The following GGA2 variants were observed in gnomAD, a reference collection of about 807,000 sequenced individuals.
GGA2 encodes golgi associated, gamma adaptin ear containing, ARF binding protein 2.
GGA2 carries 48 observed loss-of-function variants against 79.5 expected under a neutral mutation model. The ratio of observed to expected loss-of-function variants is 0.60; its 90% CI spans 0.48 to 0.77. GGA2 has a LOEUF of 0.77. GGA2 is among the 30% of genes least tolerant of loss of function. GGA2 has a pLI of 0.00. For missense variants in GGA2, 770 were observed against 774.0 expected (o/e 0.99, Z 0.06); for synonymous variants, 317 against 302.0 (o/e 1.05, Z -0.51).
chr16:23,511,807 TAATC>T (rs540912917), upstream of GGA2, among the ~76,000 whole-genome samples: 24 of 152,340 alleles, frequency 1.6e-4, no homozygotes, highest in African/African-American at 5.3e-4. Context: ...GCAGATGTTA[TAATC>T]AATCCAAAAG....
upstream of GGA2, among the ~76,000 whole-genome samples, chr16:23,512,896 C>T (rs56308741): frequency 7.4e-3 from 1,120 of 151,724 alleles, 18 homozygotes; most frequent in African/African-American, 0.026. Flanking sequence ...GTAGAGACAG[C>T]GTTTCACCAG....
chr16:23,524,201 C>G (rs1029191438), upstream of GGA2: 3 of 665,174 alleles, frequency 4.5e-6, no homozygotes, highest in African/African-American at 5.4e-5. Flanking sequence ...TTGACAAAAA[C>G]GTGCCTGTGG....
chr16:23,468,578 A>G (rs1596973393), intron 16 of GGA2, among the ~76,000 whole-genome samples: 1 of 151,894 alleles, frequency 6.6e-6, no homozygotes. Context: ...GGTTCAAGCA[A>G]TTCTCCTGCC....
chr16:23,510,216 G>A (rs993301195), intron 1 of GGA2, 105 bp downstream of exon 1: 8 of 638,202 alleles, frequency 1.3e-5, no homozygotes, highest in African/African-American at 1.2e-4. Flanking sequence ...CCCGGCCGCC[G>A]GCCTCCCCTG....
rs1276978240 is a variant in GGA2, at chr16:23,464,515, C to T, written c.*3075G>A. 1 of 151,650 alleles carries T rather than the reference C, an allele frequency of 6.6e-6. No homozygotes were observed. Among genetic ancestry groups the T allele is most frequent in the African/African-American group, 2.4e-5 (1 of 41,246 alleles). The allele number at this position is 151,650 out of a possible 1,614,324, so 9.4% of individuals were successfully genotyped here. A position where few individuals can be genotyped will look rare whatever the true frequency, so the allele number is the denominator to read the frequency against. ...TAGAGAACTCTGGTAGTGGCAAGAA[C>T]CAGAGCTGTTACTCAGAATTGGGAC... On this transcript the variant is annotated 3_prime_UTR_variant, in exon 17 of 17. Transcript: ENST00000309859.
At chr16:23,481,102 T>C (rs1330730410) in intron 9 of GGA2, among the ~76,000 whole-genome samples, 1 of 152,230 alleles carries the variant, frequency 6.6e-6, no homozygotes, top group African/African-American at 2.4e-5. Context: ...CTGCTGGCTC[T>C]GTGCAGTGGC....
In GGA2 at chr16:23,466,603, T is replaced by C. The variant is rs1964440156; in HGVS notation, c.*987A>G. The C allele has an allele frequency of 6.6e-6, 1 of 152,232 alleles. No homozygotes were observed. Among genetic ancestry groups the C allele is most frequent in the Admixed American group, 6.5e-5 (1 of 15,282 alleles). 9.4% of individuals were successfully genotyped at this position (152,232 alleles called of 1,614,324 possible). A position where few individuals can be genotyped will look rare whatever the true frequency, so the allele number is the denominator to read the frequency against. The stretch of plus-strand genomic sequence containing the variant: ...CACTCCACAAAGTACACTTGCTACA[T>C]GGTATTTATTCAATGACTGTATATT... On this transcript the variant is annotated 3_prime_UTR_variant, in exon 17 of 17. Transcript: ENST00000309859.
rs200191754 is a variant in GGA2, at chr16:23,493,321, G to A, written c.351+39C>T. ...AGCCAGGAGTTTGACAGTGGGCGTA[G>A]GTGCGACACAGTCAGCAGAGCCAAG... On this transcript the variant is annotated intron_variant, in intron 4 of 16. Transcript: ENST00000309859. 256 of 1,180,780 alleles carry A rather than the reference G, an allele frequency of 2.2e-4. 1 individual carries two copies. In the East Asian group the frequency reaches 5.9e-3, roughly 27 times the overall value. 73.1% of individuals were successfully genotyped at this position (1,180,780 alleles called of 1,614,324 possible).
At chr16:23,523,623 GA>G (rs1171290141), upstream of GGA2, 5 of 152,258 alleles carry the variant, frequency 3.3e-5, no homozygotes, top group Non-Finnish European at 7.3e-5. Context: ...TGGGGCCTGA[GA>G]ACTGGGACCC....
chr16:23,510,039 T>G (rs780575088), intron 1 of GGA2, among the ~76,000 whole-genome samples: 1 of 133,070 alleles, frequency 7.5e-6, no homozygotes, highest in South Asian at 2.5e-4. Context: ...GCAGGTCACG[T>G]AGCCATTGGG....
At chr16:23,515,261 T>C (rs1225060120), upstream of GGA2, among the ~76,000 whole-genome samples, 1 of 151,624 alleles carries the variant, frequency 6.6e-6, no homozygotes, top group African/African-American at 2.4e-5. Context: ...GGGTTCAAGA[T>C]CAGCCTGGGC....
chr16:23,501,018 G>C (rs866144464), intron 1 of GGA2: 5 of 339,720 alleles, frequency 1.5e-5, no homozygotes, highest in Middle Eastern at 9.7e-4. Context: ...ACACACATTA[G>C]AAAGTGTGAC....
chr16:23,498,828 A>G (rs1964886862), intron 1 of GGA2, among the ~76,000 whole-genome samples: 1 of 152,222 alleles, frequency 6.6e-6, no homozygotes, highest in Non-Finnish European at 1.5e-5. Flanking sequence ...CAACATAGAA[A>G]CTCATCAAAT....
At chr16:23,478,216 A>G (rs1250059265) in intron 13 of GGA2, 152 bp downstream of exon 13, 6,916 of 567,952 alleles carry the variant, frequency 0.012, 204 homozygotes, top group African/African-American at 0.066. Flanking sequence ...AAAAAAAAAG[A>G]AAAAAAGACA....
At chr16:23,492,467 A>AAAAAACAAAAC (rs1964801334) in intron 4 of GGA2, among the ~76,000 whole-genome samples, 1 of 152,148 alleles carries the variant, frequency 6.6e-6, no homozygotes, top group Admixed American at 6.5e-5. Flanking sequence ...ATGATGTGTA[A>AAAAAACAAAAC]AAAAACAAAA....
chr16:23,474,147 G>A (rs1964548235), intron 14 of GGA2, among the ~76,000 whole-genome samples: 1 of 152,206 alleles, frequency 6.6e-6, no homozygotes, highest in African/African-American at 2.4e-5. Flanking sequence ...CCCTAGAGAA[G>A]GAGGATCACT....
chr16:23,471,851 G>A (rs1409464772), intron 14 of GGA2, among the ~76,000 whole-genome samples: 1 of 152,134 alleles, frequency 6.6e-6, no homozygotes, highest in Non-Finnish European at 1.5e-5. Context: ...TGAGGCTGCA[G>A]TGAGCTATGA....
intron 1 of GGA2, among the ~76,000 whole-genome samples, chr16:23,498,815 G>A (rs925894186): frequency 4.6e-5 from 7 of 152,108 alleles, no homozygotes; most frequent in Admixed American, 1.3e-4. Flanking sequence ...TTACCCATAC[G>A]TACAACATAG....
intron 9 of GGA2, among the ~76,000 whole-genome samples, chr16:23,481,577 A>G (rs1277221867): frequency 6.6e-6 from 1 of 152,124 alleles, no homozygotes; most frequent in East Asian, 1.9e-4. Flanking sequence ...GTTTGAGACC[A>G]GCCTGGCCAA....
Sources: allele counts gnomAD v4.1 joint callset (sites outside exome capture counted in the v4.1 genomes callset), GRCh38; gene constraint gnomAD v4.1.1; transcripts MANE v1.5; gene names NCBI Gene and HGNC (gene_info 2026-07-23, HGNC 2026-07-21).